Variants in HELQ observed in about 807,000 individuals in gnomAD.
The protein encoded by HELQ is helicase, POLQ like.
In HELQ, 77 loss-of-function variants were observed where a neutral mutation model predicts 111.6. The ratio of observed to expected loss-of-function variants is 0.69; its 90% CI spans 0.57 to 0.83. The LOEUF is 0.83. Among genes scored for constraint, HELQ ranks in the 40% least tolerant of loss-of-function variants. HELQ has a pLI of 0.00. For missense variants in HELQ, 1,200 were observed against 1,288.5 expected, an observed-to-expected ratio of 0.93 and a Z score of 1.05; for synonymous variants, 438 against 454.7, an observed-to-expected ratio of 0.96 and a Z score of 0.47.
At chr4:83,455,875 G>C, upstream of HELQ, 1 of 773,272 alleles carries the variant, frequency 1.3e-6, no homozygotes, top group Non-Finnish European at 2.1e-6. Flanking sequence ...CCAATCATAA[G>C]CCTCACGTGA....
At chr4:83,422,492 A>C (rs974923236) in intron 14 of HELQ, among the ~76,000 whole-genome samples, 32 of 152,316 alleles carry the variant, frequency 2.1e-4, no homozygotes, top group African/African-American at 7.0e-4. Context: ...TAAGAGGAGA[A>C]GACACAGAGA....
chr4:83,455,865 C>A (rs1045418683), upstream of HELQ: 2 of 775,842 alleles, frequency 2.6e-6, no homozygotes, highest in African/African-American at 3.5e-5. Context: ...TCTACCCTGT[C>A]CAATCATAAG....
chr4:83,450,757 G>GGAGT lies in HELQ; in HGVS notation c.1013-1800_1013-1797dup, dbSNP rs576872281. Among the ~76,000 whole-genome samples the GGAGT allele has an allele frequency of 2.7e-3, 411 of 151,896 alleles. 4 individuals carry two copies. The highest frequency in any genetic ancestry group is 9.5e-3 in the African/African-American group (395 of 41,444). On this transcript the variant is annotated intron_variant, in intron 2 of 17. Coordinates refer to ENST00000295488, the MANE Select transcript of HELQ (RefSeq NM_133636.5). ...GAGACAGCAGGACTGCTTAAGCCCAGGAGTTCAGGACCAGCCTAGGCAACA... is the reference window on the plus strand; with the variant it reads ...GAGACAGCAGGACTGCTTAAGCCCAGGAGTGAGTTCAGGACCAGCCTAGGCAACA...
At position 83,455,701 on chromosome 4, in the gene HELQ, AC is replaced by A; in HGVS notation, c.-9del. ...GGAACCACATTCATCCATGGCAAGG[AC>A]CCAGGGCCCTATTCAGACGTCGTTC... is the stretch of plus-strand genomic sequence containing the variant. On this transcript the variant is annotated 5_prime_UTR_variant, in exon 1 of 18. Transcript: ENST00000295488. 1 of 1,600,544 alleles carries A rather than the reference AC, an allele frequency of 6.2e-7. No individual in the cohort carries two copies. Among genetic ancestry groups the A allele is most frequent in the Non-Finnish European group, 8.5e-7 (1 of 1,179,042 alleles).
At chr4:83,443,444 A>G (rs1392046745) in intron 6 of HELQ, 73 bp downstream of exon 6, 1 of 680,550 alleles carries the variant, frequency 1.5e-6, no homozygotes, top group South Asian at 2.0e-5. Flanking sequence ...TTTAAATCCT[A>G]TGTTTACTAC....
At chr4:83,444,938 G>A (rs1055418383) in intron 5 of HELQ, among the ~76,000 whole-genome samples, 26 of 152,186 alleles carry the variant, frequency 1.7e-4, no homozygotes, top group African/African-American at 6.3e-4. Flanking sequence ...GGTGGATGAA[G>A]GGCAGTGGGT....
chr4:83,432,859 C>G (rs1214461259), intron 9 of HELQ, among the ~76,000 whole-genome samples: 1 of 151,784 alleles, frequency 6.6e-6, no homozygotes, highest in Non-Finnish European at 1.5e-5. Context: ...CCAGCTTGGG[C>G]AATATAGTGA....
Position 83,407,394 on chromosome 4 carries a change from C to T in HELQ, c.*59G>A. ...TTTTCATTTATAAAGTATAAGTTAT[C>T]TTTAATAACACACATGTACAATAAA... On this transcript the variant is annotated 3_prime_UTR_variant, in exon 18 of 18. Transcript: ENST00000295488. The T allele has an allele frequency of 9.4e-7, 1 of 1,060,298 alleles. No individual in the cohort carries two copies. Among genetic ancestry groups the T allele is most frequent in the Non-Finnish European group, 1.4e-6 (1 of 724,482 alleles). 65.7% of individuals were successfully genotyped at this position (1,060,298 alleles called of 1,614,324 possible).
chr4:83,427,565 G>A lies in HELQ; in HGVS notation c.2674C>T (p.Gln892Ter). 1 of 1,539,990 alleles carries A rather than the reference G, an allele frequency of 6.5e-7. No individual in the cohort carries two copies. Among genetic ancestry groups the A allele is most frequent in the Non-Finnish European group, 8.7e-7 (1 of 1,148,024 alleles). The change falls in exon 13 of 18, where the codon CAG becomes TAG. Residue 892 changes from glutamine (Q) to a stop codon, truncating the protein, a stop_gained and splice_region_variant. Transcript: ENST00000295488. LOFTEE classifies it high-confidence loss of function. Reference sequence around the variant, plus strand: ...GTTGAAAAACGTTATATTCTCACCTGCCTGAAGTATATCATCCAATCAGGG... The same window carrying A: ...GTTGAAAAACGTTATATTCTCACCTACCTGAAGTATATCATCCAATCAGGG... The part of the protein sequence containing the change: ...CNPDWMIYFR[Q>*]FSQLSPAEQN...
chr4:83,445,897 G>A (rs11099599), intron 5 of HELQ, 117 bp downstream of exon 5: 313,810 of 632,616 alleles, frequency 0.5, 80,251 homozygotes, highest in East Asian at 0.64. Flanking sequence ...TAAAACAAAG[G>A]CAAAAAGCTT....
chr4:83,451,692 A>T (rs1233447770), intron 2 of HELQ, among the ~76,000 whole-genome samples: 4 of 152,054 alleles, frequency 2.6e-5, no homozygotes, highest in African/African-American at 9.7e-5. Flanking sequence ...AAAAACAAAA[A>T]CAAAAAGATG....
At position 83,442,003 on chromosome 4, in the gene HELQ, G is replaced by A. The variant is rs1335269349; in HGVS notation, c.1564-600C>T. 4.0e-5 allele frequency among the ~76,000 whole-genome samples: 6 copies of A among 151,880 alleles called. No homozygotes were observed. The South Asian group carries it at 6.2e-4, about 16-fold the overall frequency. On this transcript the variant is annotated intron_variant, in intron 6 of 17. Coordinates refer to ENST00000295488, the MANE Select transcript of HELQ (RefSeq NM_133636.5). ...TGGTCTTGAACTCCTGGGCTCAAGCGATCCTCTTGCCACAGCCTCTCAAAG... is the reference window on the plus strand; with the variant it reads ...TGGTCTTGAACTCCTGGGCTCAAGCAATCCTCTTGCCACAGCCTCTCAAAG...
intron 16 of HELQ, among the ~76,000 whole-genome samples, 184 bp from the exon 17 acceptor site, chr4:83,417,049 G>C (rs1031122592): frequency 6.6e-6 from 1 of 152,152 alleles, no homozygotes; most frequent in African/African-American, 2.4e-5. Flanking sequence ...GTTCCAAACT[G>C]ACTACAAGGT....
chr4:83,429,384 A>G (rs1037451995), intron 12 of HELQ, 140 bp downstream of exon 12: 10 of 626,466 alleles, frequency 1.6e-5, no homozygotes, highest in Middle Eastern at 4.4e-4. Context: ...CCCAACCTCA[A>G]GTGATCCGCT....
At chr4:83,431,500 G>A (rs181896901) in intron 11 of HELQ, among the ~76,000 whole-genome samples, 164 bp downstream of exon 11, 331 of 150,654 alleles carry the variant, frequency 2.2e-3, no homozygotes, top group Middle Eastern at 6.8e-3. Context: ...ATCACTGAAG[G>A]GGATGAGAAA....
chr4:83,409,904 C>A (rs1314440931), intron 17 of HELQ, among the ~76,000 whole-genome samples: 1 of 151,874 alleles, frequency 6.6e-6, no homozygotes, highest in Non-Finnish European at 1.5e-5. Flanking sequence ...AAATAAAAAA[C>A]CTAATTAGGG....
At chr4:83,447,469 A>G (rs1168624287) in intron 3 of HELQ, among the ~76,000 whole-genome samples, 1 of 152,252 alleles carries the variant, frequency 6.6e-6, no homozygotes, top group Non-Finnish European at 1.5e-5. Context: ...GTCACAGGCA[A>G]GACATACGTA....
intron 16 of HELQ, 103 bp from the exon 17 acceptor site, chr4:83,416,968 G>C (rs1739395672): frequency 2.0e-6 from 2 of 987,810 alleles, no homozygotes; most frequent in East Asian, 5.1e-5. Flanking sequence ...AAGAGACTGG[G>C]ATAAAATAAA....
At position 83,426,029 on chromosome 4, in the gene HELQ, T is replaced by A; in HGVS notation, c.2740A>T (p.Ile914Phe). ...GCTTGGCCTGATGCTTTCTTCCCAATAAAGCTTTCAGAGACTCCAAGAATG... is the reference window on the plus strand; with the variant it reads ...GCTTGGCCTGATGCTTTCTTCCCAAAAAAGCTTTCAGAGACTCCAAGAATG... ...AAILGVSESF[I>F]GKKASGQAIG... Residue 914 changes from isoleucine to phenylalanine, a missense_variant, in exon 14 of 18, where the codon ATT becomes TTT. This residue lies in a region of HELQ where 585 missense variants were observed against 665.3 expected (regional missense o/e 0.88). Transcript: ENST00000295488. 6.2e-7 allele frequency: 1 copy of A among 1,609,418 alleles called. No homozygotes were observed. Among genetic ancestry groups the A allele is most frequent in the Non-Finnish European group, 8.5e-7 (1 of 1,176,090 alleles).
Sources: gnomAD v4.1 joint callset for allele counts (sites outside exome capture counted in the v4.1 genomes callset) on GRCh38, gnomAD v4.1.1 for gene constraint, gnomAD v4.1.1 regional missense constraint, MANE v1.5 for transcripts, NCBI Gene and HGNC (gene_info 2026-07-23, HGNC 2026-07-21) for gene names.